The following PRDM6 variants were observed in gnomAD, a reference collection of about 807,000 sequenced individuals.
The protein encoded by PRDM6 is putative histone-lysine N-methyltransferase PRDM6.
Under a neutral mutation model 60.8 loss-of-function variants are expected in PRDM6, and 25 were observed. The observed-to-expected ratio is 0.41, with a 90% CI of 0.30 to 0.57. The LOEUF is 0.57. Among genes scored for constraint, PRDM6 ranks in the 20% least tolerant of loss-of-function variants. The pLI, the probability that PRDM6 is intolerant of heterozygous loss-of-function variation, is 0.27. For synonymous variants in PRDM6, 407 were observed against 357.4 expected, an observed-to-expected ratio of 1.14 and a Z score of -1.57; for missense variants, 839 against 821.3, an observed-to-expected ratio of 1.02 and a Z score of -0.26.
At chr5:123,144,886 C>T (rs988728781) in intron 3 of PRDM6, among the ~76,000 whole-genome samples, 1 of 152,122 alleles carries the variant, frequency 6.6e-6, no homozygotes, top group Non-Finnish European at 1.5e-5. Flanking sequence ...GGGTACCTGG[C>T]AGGCGTCGTA....
intron 3 of PRDM6, among the ~76,000 whole-genome samples, chr5:123,133,068 A>G (rs1350307030): frequency 6.6e-6 from 1 of 152,112 alleles, no homozygotes; most frequent in Non-Finnish European, 1.5e-5. Context: ...GCACCTTGAT[A>G]TTGATAACAC....
chr5:123,090,182 C>CCCGCCCCCGGAGCGCGCTGAG lies in PRDM6; in HGVS notation c.171_191dup (p.Glu60_Pro66dup). On this transcript the variant is annotated inframe_insertion, in exon 2 of 8. Coordinates refer to ENST00000407847, the MANE Select transcript of PRDM6 (RefSeq NM_001136239.4). The stretch of plus-strand genomic sequence containing the variant: ...AGCCTCTTCAGCCGCCGCCGCCGCC[C>CCCGCCCCCGGAGCGCGCTGAG]CCGCCCCCGGAGCGCGCTGAGCCTC... 6.8e-7 allele frequency: 1 copy of CCCGCCCCCGGAGCGCGCTGAG among 1,476,442 alleles called. No homozygotes were observed. Among genetic ancestry groups the CCCGCCCCCGGAGCGCGCTGAG allele is most frequent in the Non-Finnish European group, 9.0e-7 (1 of 1,112,846 alleles). The allele number at this position is 1,476,442 out of a possible 1,614,324, so 91.5% of individuals were successfully genotyped here.
intron 6 of PRDM6, among the ~76,000 whole-genome samples, chr5:123,176,656 T>C (rs1766019675): frequency 1.3e-5 from 2 of 152,104 alleles, no homozygotes; most frequent in Admixed American, 6.5e-5. Flanking sequence ...GAGGCTGCAG[T>C]GAGCCACGAT....
rs1291191993 is a variant in PRDM6 at position 123,189,551 on chromosome 5, A to G, written c.*2350A>G. The stretch of plus-strand genomic sequence containing the variant: ...CTTTGCTAGCTGATCCCAAACTTCC[A>G]CTGAATGTGGCAGTAACCTGTACTC... On this transcript the variant is annotated 3_prime_UTR_variant, in exon 8 of 8. Coordinates refer to ENST00000407847, the MANE Select transcript of PRDM6 (RefSeq NM_001136239.4). 6.6e-6 allele frequency: 1 copy of G among 152,026 alleles called. No homozygotes were observed. The highest frequency in any genetic ancestry group is 1.5e-5 in the Non-Finnish European group (1 of 67,984). 9.4% of individuals were successfully genotyped at this position (152,026 alleles called of 1,614,324 possible).
rs1020074239 is a variant in PRDM6 at position 123,192,622 on chromosome 5, A to G, written c.*5421A>G. ...AAATTCCACATTGAAAGAAAAAAAAATAACCCTCTCAAGTGTGATATACAT... is the reference window on the plus strand; with the variant it reads ...AAATTCCACATTGAAAGAAAAAAAAGTAACCCTCTCAAGTGTGATATACAT... On this transcript the variant is annotated 3_prime_UTR_variant, in exon 8 of 8. Transcript: ENST00000407847. The G allele has an allele frequency of 6.6e-6, 1 of 152,208 alleles. No individual in the cohort carries two copies. The highest frequency in any genetic ancestry group is 1.5e-5 in the Non-Finnish European group (1 of 68,042). 9.4% of individuals were successfully genotyped at this position (152,208 alleles called of 1,614,324 possible).
rs1766477204 is a variant in PRDM6, at chr5:123,193,885, G to A, written c.*6684G>A. 6.6e-6 allele frequency: 1 copy of A among 152,110 alleles called. No individual in the cohort carries two copies. Among genetic ancestry groups the A allele is most frequent in the Non-Finnish European group, 1.5e-5 (1 of 68,024 alleles). 9.4% of individuals were successfully genotyped at this position (152,110 alleles called of 1,614,324 possible). The stretch of plus-strand genomic sequence containing the variant: ...CTCCAACTTTCCACCAAATAAAATG[G>A]TTAGAGTGAATGCCCAGTTTCACAT... On this transcript the variant is annotated 3_prime_UTR_variant, in exon 8 of 8. Coordinates refer to ENST00000407847, the MANE Select transcript of PRDM6 (RefSeq NM_001136239.4).
intron 3 of PRDM6, among the ~76,000 whole-genome samples, chr5:123,130,418 G>C (rs1213970816): frequency 2.0e-5 from 3 of 146,782 alleles, no homozygotes; most frequent in Non-Finnish European, 3.0e-5. Context: ...AGCCCTGAAA[G>C]GTTATCTTAA....
rs1766377913 is a variant in PRDM6, at chr5:123,190,090, A to G, written c.*2889A>G. On this transcript the variant is annotated 3_prime_UTR_variant, in exon 8 of 8. Coordinates refer to ENST00000407847, the MANE Select transcript of PRDM6 (RefSeq NM_001136239.4). Reference sequence around the variant, plus strand: ...GTAAATGCTCTGAATCACTGGGGAAAGGATATTTAAGATAAGAAAGGTAGT... The same window carrying G: ...GTAAATGCTCTGAATCACTGGGGAAGGGATATTTAAGATAAGAAAGGTAGT... The G allele has an allele frequency of 6.6e-6, 1 of 152,208 alleles. No individual in the cohort carries two copies. The highest frequency in any genetic ancestry group is 1.5e-5 in the Non-Finnish European group (1 of 68,030). The allele number at this position is 152,208 out of a possible 1,614,324, so 9.4% of individuals were successfully genotyped here.
At chr5:123,180,391 G>T in intron 7 of PRDM6, 68 bp downstream of exon 7, 1 of 1,455,956 alleles carries the variant, frequency 6.9e-7, no homozygotes, top group South Asian at 1.4e-5. Context: ...TGATGCATCA[G>T]CACAGTGCTG....
intron 2 of PRDM6, among the ~76,000 whole-genome samples, chr5:123,091,854 C>T (rs1014265313): frequency 4.6e-5 from 7 of 151,960 alleles, no homozygotes; most frequent in African/African-American, 1.7e-4. Flanking sequence ...AAATGTCTAC[C>T]GCTCTGTGAA....
At chr5:123,180,025 T>A (rs533927258) in intron 6 of PRDM6, 122 bp from the exon 7 acceptor site, 1 of 971,770 alleles carries the variant, frequency 1.0e-6, no homozygotes, top group South Asian at 1.8e-5. Context: ...GCCAAAGCTC[T>A]ATGCCCTGTC....
At chr5:123,140,020 G>A (rs143168115) in intron 3 of PRDM6, among the ~76,000 whole-genome samples, 402 of 152,208 alleles carry the variant, frequency 2.6e-3, no homozygotes, top group Admixed American at 4.1e-3. Context: ...TGATTTTTCT[G>A]TGTAAATGAA....
chr5:123,113,618 T>C (rs1764364737), intron 3 of PRDM6, among the ~76,000 whole-genome samples: 1 of 152,210 alleles, frequency 6.6e-6, no homozygotes, highest in African/African-American at 2.4e-5. Flanking sequence ...TGTAGAGTTC[T>C]TGCTCTTCAC....
chr5:123,120,705 G>A (rs1262867425), intron 3 of PRDM6, among the ~76,000 whole-genome samples: 2 of 152,172 alleles, frequency 1.3e-5, no homozygotes, highest in African/African-American at 4.8e-5. Context: ...ACATGCCCTA[G>A]TGTAATTTGT....
At chr5:123,170,067 G>A (rs969923341) in intron 5 of PRDM6, among the ~76,000 whole-genome samples, 6 of 152,002 alleles carry the variant, frequency 3.9e-5, no homozygotes, top group Non-Finnish European at 8.8e-5. Context: ...CTACTTCCTA[G>A]GTCTGAAATA....
rs1580549257 is a variant in PRDM6 at position 123,187,965 on chromosome 5, T to A, written c.*764T>A. The A allele has an allele frequency of 6.6e-6, 1 of 151,284 alleles. No individual in the cohort carries two copies. Among genetic ancestry groups the A allele is most frequent in the East Asian group, 1.9e-4 (1 of 5,170 alleles). The allele number at this position is 151,284 out of a possible 1,614,324, so 9.4% of individuals were successfully genotyped here. ...ATACGTTATATTGTTCCGAAGCAGCTCGTTGAGAAACATTTGTTTTCAATA... is the reference window on the plus strand; with the variant it reads ...ATACGTTATATTGTTCCGAAGCAGCACGTTGAGAAACATTTGTTTTCAATA... On this transcript the variant is annotated 3_prime_UTR_variant, in exon 8 of 8. Transcript: ENST00000407847.
chr5:123,122,149 C>T (rs558619032), intron 3 of PRDM6, among the ~76,000 whole-genome samples: 10 of 106,300 alleles, frequency 9.4e-5, no homozygotes, highest in African/African-American at 3.4e-4. Flanking sequence ...GGCGACAGTG[C>T]GAGACTCCAT....
At chr5:123,130,786 C>T (rs911402767) in intron 3 of PRDM6, among the ~76,000 whole-genome samples, 3 of 152,074 alleles carry the variant, frequency 2.0e-5, no homozygotes, top group Non-Finnish European at 2.9e-5. Flanking sequence ...AGGCTGGTCT[C>T]GAACTCCTGA....
intron 4 of PRDM6, among the ~76,000 whole-genome samples, chr5:123,158,229 G>A (rs1242575742): frequency 3.3e-5 from 5 of 152,178 alleles, no homozygotes; most frequent in Non-Finnish European, 7.3e-5. Context: ...ATGAAATGTT[G>A]CAAGGGTGAA....
Sources: allele counts gnomAD v4.1 joint callset (sites outside exome capture counted in the v4.1 genomes callset), GRCh38; gene constraint gnomAD v4.1.1; transcripts MANE v1.5; gene names NCBI Gene and HGNC (gene_info 2026-07-23, HGNC 2026-07-21).